The following GMDS variants were observed in gnomAD, a reference collection of about 807,000 sequenced individuals.
GMDS encodes GDP-mannose 4,6-dehydratase.
GMDS carries 20 observed loss-of-function variants against 49.9 expected under a neutral mutation model. The observed-to-expected ratio is 0.40, with a 90% CI of 0.28 to 0.58. The LOEUF (loss-of-function observed/expected upper bound fraction) is 0.58. Ranked by LOEUF, GMDS falls within the 20% of genes least tolerant of loss-of-function variation. The pLI is 0.42. For synonymous variants in GMDS, 177 were observed against 178.6 expected, an observed-to-expected ratio of 0.99 and a Z score of 0.07; for missense variants, 362 against 481.4, an observed-to-expected ratio of 0.75 and a Z score of 2.32.
intron 4 of GMDS, among the ~76,000 whole-genome samples, chr6:2,088,329 G>C (rs559119796): frequency 6.4e-4 from 97 of 152,294 alleles, no homozygotes; most frequent in African/African-American, 1.8e-3. Context: ...AGGCTAGCTA[G>C]ACATTAACTT....
At chr6:1,786,672 G>A (rs776452209) in intron 7 of GMDS, among the ~76,000 whole-genome samples, 9 of 152,260 alleles carry the variant, frequency 5.9e-5, no homozygotes, top group African/African-American at 1.2e-4. Flanking sequence ...CTGGAAGCTC[G>A]AAGCAATGCT....
chr6:2,040,335 G>T (rs1398890553), intron 4 of GMDS, among the ~76,000 whole-genome samples: 1 of 152,172 alleles, frequency 6.6e-6, no homozygotes, highest in Non-Finnish European at 1.5e-5. Context: ...TCATAAATTT[G>T]GCTTAAACCC....
At chr6:2,216,134 C>A (rs1228522915) in intron 1 of GMDS, among the ~76,000 whole-genome samples, 1 of 152,040 alleles carries the variant, frequency 6.6e-6, no homozygotes, top group East Asian at 1.9e-4. Flanking sequence ...ATAAATAAGG[C>A]TGCCTTGAAT....
At chr6:1,695,237 G>C (rs1765299032) in intron 9 of GMDS, among the ~76,000 whole-genome samples, 1 of 152,178 alleles carries the variant, frequency 6.6e-6, no homozygotes, top group South Asian at 2.1e-4. Flanking sequence ...TACTGTTTAA[G>C]ATCCTCATTT....
At chr6:1,653,577 A>G (rs1408832263) in intron 9 of GMDS, among the ~76,000 whole-genome samples, 1 of 152,230 alleles carries the variant, frequency 6.6e-6, no homozygotes, top group African/African-American at 2.4e-5. Context: ...AGTAATCACA[A>G]CAGTGTGGAA....
intron 1 of GMDS, among the ~76,000 whole-genome samples, chr6:2,153,566 T>C (rs1776951841): frequency 6.6e-6 from 1 of 152,084 alleles, no homozygotes; most frequent in Non-Finnish European, 1.5e-5. Context: ...CATATATAAA[T>C]GAACTCATAA....
intron 6 of GMDS, among the ~76,000 whole-genome samples, chr6:1,939,783 A>C (rs193265401): frequency 7.9e-5 from 12 of 152,328 alleles, no homozygotes; most frequent in African/African-American, 2.6e-4. Context: ...GACATGAATA[A>C]TAGCCAATTT....
chr6:1,678,756 ATAAATTCCTG>A (rs1359130152), intron 9 of GMDS, among the ~76,000 whole-genome samples: 1 of 152,196 alleles, frequency 6.6e-6, no homozygotes, highest in Non-Finnish European at 1.5e-5. Context: ...TGACACATTT[ATAAATTCCTG>A]TAATTTCCTG....
intron 2 of GMDS, among the ~76,000 whole-genome samples, chr6:2,122,938 T>C (rs1164979818): frequency 1.3e-5 from 2 of 152,242 alleles, no homozygotes; most frequent in African/African-American, 4.8e-5. Flanking sequence ...AAGTGGGCCT[T>C]CTATTGTCTT....
chr6:1,663,557 C>G (rs553244743), intron 9 of GMDS, among the ~76,000 whole-genome samples: 2 of 152,280 alleles, frequency 1.3e-5, no homozygotes, highest in South Asian at 4.2e-4. Context: ...GGCGGCCCTC[C>G]TCCTCACAGC....
intron 7 of GMDS, among the ~76,000 whole-genome samples, chr6:1,749,460 G>A (rs889086321): frequency 4.6e-5 from 7 of 151,952 alleles, no homozygotes; most frequent in East Asian, 1.9e-4. Context: ...TGGTGGGGGC[G>A]GGGGCACCTG....
chr6:2,023,739 G>A (rs910330154), intron 4 of GMDS, among the ~76,000 whole-genome samples: 13 of 152,142 alleles, frequency 8.5e-5, no homozygotes, highest in Non-Finnish European at 1.9e-4. Flanking sequence ...AAGGTGAGTA[G>A]GAGACATCAT....
intron 2 of GMDS, among the ~76,000 whole-genome samples, chr6:2,122,572 T>A (rs1287639327): frequency 6.6e-6 from 1 of 152,206 alleles, no homozygotes; most frequent in East Asian, 1.9e-4. Flanking sequence ...TTTGAAAAAT[T>A]ACTCTAACAT....
At chr6:2,226,920 AGGAATGATT>A (rs796775413) in intron 1 of GMDS, among the ~76,000 whole-genome samples, 25 of 152,338 alleles carry the variant, frequency 1.6e-4, no homozygotes, top group African/African-American at 6.0e-4. Context: ...AGAATCATCC[AGGAATGATT>A]CCAGATGGAA....
At chr6:1,927,247 A>G (rs199693191) in intron 7 of GMDS, among the ~76,000 whole-genome samples, 17 of 22,088 alleles carry the variant, frequency 7.7e-4, no homozygotes, top group Admixed American at 1.7e-3. Context: ...ATTTTTATTC[A>G]GAGGGTAGCG....
intron 7 of GMDS, among the ~76,000 whole-genome samples, chr6:1,781,414 C>A (rs887159767): frequency 6.6e-6 from 1 of 152,220 alleles, no homozygotes; most frequent in Admixed American, 6.5e-5. Context: ...TGTTGTGCTA[C>A]TCTGGGCCCT....
At chr6:1,849,864 C>T (rs1757579367) in intron 7 of GMDS, among the ~76,000 whole-genome samples, 1 of 152,134 alleles carries the variant, frequency 6.6e-6, no homozygotes, top group South Asian at 2.1e-4. Context: ...TAACAAAGAA[C>T]TTTTCAAAAC....
intron 8 of GMDS, among the ~76,000 whole-genome samples, chr6:1,732,447 A>G (rs752967467): frequency 6.6e-6 from 1 of 152,226 alleles, no homozygotes; most frequent in Admixed American, 6.5e-5. Context: ...TTAAAACATA[A>G]CAATTGAGTA....
chr6:1,724,167 T>C (rs1422155458), intron 9 of GMDS, among the ~76,000 whole-genome samples: 1 of 152,116 alleles, frequency 6.6e-6, no homozygotes, highest in Admixed American at 6.5e-5. Flanking sequence ...TAAAACGTAG[T>C]TCAAGATTCA....
Sources: allele counts gnomAD v4.1 joint callset (sites outside exome capture counted in the v4.1 genomes callset), GRCh38; gene constraint gnomAD v4.1.1; transcripts MANE v1.5; gene names NCBI Gene and HGNC (gene_info 2026-07-23, HGNC 2026-07-21).